The following HAPLN1 variants were observed in gnomAD, a reference collection of about 807,000 sequenced individuals.
HAPLN1 encodes Cartilage link protein.
HAPLN1 carries 13 observed loss-of-function variants against 36.5 expected under a neutral mutation model. The ratio of observed to expected loss-of-function variants is 0.36; its 90% CI spans 0.23 to 0.57. The LOEUF (loss-of-function observed/expected upper bound fraction) is 0.57, where lower values mean the gene tolerates loss of function less well. Among genes scored for constraint, HAPLN1 ranks in the 20% least tolerant of loss-of-function variants. The pLI is 0.83. For synonymous variants in HAPLN1, 202 were observed against 169.8 expected (o/e 1.19, Z -1.48); for missense variants, 407 against 439.7 (o/e 0.93, Z 0.66).
rs1010954442 is a variant in HAPLN1, at chr5:83,652,279, A to G, written c.472+174T>C. 8.2e-6 allele frequency: 5 copies of G among 610,980 alleles called. No homozygotes were observed. The African/African-American group carries it at 9.3e-5, about 11-fold the overall frequency. The allele number at this position is 610,980 out of a possible 1,614,324, so 37.8% of individuals were successfully genotyped here. On this transcript the variant is annotated intron_variant, in intron 3 of 4. Transcript: ENST00000274341. ...ACATAAGCATTGTGTATGCATTTCA[A>G]ACATGAAAGCTGGAATCATAGGCAG... is the stretch of plus-strand genomic sequence containing the variant.
intron 1 of HAPLN1, chr5:83,682,646 G>A (rs1205121817): frequency 6.6e-6 from 1 of 152,012 alleles, no homozygotes; most frequent in East Asian, 1.9e-4. Flanking sequence ...TCAGAATTCA[G>A]TTCATTGGTA....
chr5:83,663,291 T>C (rs1237601229), intron 2 of HAPLN1, among the ~76,000 whole-genome samples: 1 of 152,194 alleles, frequency 6.6e-6, no homozygotes, highest in Non-Finnish European at 1.5e-5. Flanking sequence ...GTCCAAATGC[T>C]TGCAACTAAT....
At chr5:83,720,121 A>G (rs1222421142) in intron 1 of HAPLN1, among the ~76,000 whole-genome samples, 1 of 152,246 alleles carries the variant, frequency 6.6e-6, no homozygotes, top group Non-Finnish European at 1.5e-5. Context: ...CAACATACAA[A>G]TAATTTCTTT....
In HAPLN1 at chr5:83,683,073, C is replaced by T. The variant is rs549486447; in HGVS notation, c.-26-9524G>A. The stretch of plus-strand genomic sequence containing the variant: ...GATTTTAAAACTTTTATATAAGTAT[C>T]AAAGCTTTCCATTGACTCAGAATGA... On this transcript the variant is annotated intron_variant, in intron 1 of 4. Coordinates refer to ENST00000274341, the MANE Select transcript of HAPLN1 (RefSeq NM_001884.4). Among the ~76,000 whole-genome samples the T allele has an allele frequency of 5.3e-4, 81 of 152,214 alleles. No homozygotes were observed. In the Middle Eastern group the frequency reaches 0.014, roughly 26 times the overall value.
intron 3 of HAPLN1, among the ~76,000 whole-genome samples, chr5:83,651,699 A>T (rs1474929305): frequency 6.6e-6 from 1 of 152,218 alleles, no homozygotes; most frequent in African/African-American, 2.4e-5. Context: ...TCCACCCTTC[A>T]GTATAAAATA....
chr5:83,706,341 T>A (rs886489162), intron 1 of HAPLN1, among the ~76,000 whole-genome samples: 7 of 152,130 alleles, frequency 4.6e-5, no homozygotes, highest in Non-Finnish European at 8.8e-5. Flanking sequence ...AACAAAATAC[T>A]TGAAAACTGA....
At chr5:83,704,876 G>A (rs977891059) in intron 1 of HAPLN1, among the ~76,000 whole-genome samples, 2 of 152,128 alleles carry the variant, frequency 1.3e-5, no homozygotes, top group Non-Finnish European at 2.9e-5. Context: ...AGATATTTAG[G>A]ACCTGAACTC....
chr5:83,653,269 A>G (rs536922410), intron 2 of HAPLN1, among the ~76,000 whole-genome samples: 43 of 152,332 alleles, frequency 2.8e-4, no homozygotes, highest in African/African-American at 4.6e-4. Context: ...TTCTAATACA[A>G]GAAGTTTATA....
chr5:83,697,979 T>C (rs1224755493), intron 1 of HAPLN1, among the ~76,000 whole-genome samples: 2 of 152,164 alleles, frequency 1.3e-5, no homozygotes, highest in African/African-American at 4.8e-5. Context: ...TCTTTTGGGA[T>C]GTCTTTTTAT....
chr5:83,697,625 G>A (rs1306778697), intron 1 of HAPLN1, among the ~76,000 whole-genome samples: 9 of 152,080 alleles, frequency 5.9e-5, no homozygotes, highest in African/African-American at 9.7e-5. Context: ...TCCAAAGCAC[G>A]GCACTGTTTT....
intron 1 of HAPLN1, among the ~76,000 whole-genome samples, chr5:83,681,684 G>C (rs1205883329): frequency 1.3e-5 from 2 of 151,908 alleles, no homozygotes; most frequent in Non-Finnish European, 2.9e-5. Flanking sequence ...ATAATTTTTT[G>C]ACTTTTTGTA....
At chr5:83,692,405 A>T (rs1751299856) in intron 1 of HAPLN1, among the ~76,000 whole-genome samples, 1 of 151,960 alleles carries the variant, frequency 6.6e-6, no homozygotes, top group Non-Finnish European at 1.5e-5. Context: ...CCCATTATTC[A>T]CAGAGGAATA....
In HAPLN1 at chr5:83,640,523, A is replaced by G. The variant is rs1318862914; in HGVS notation, c.*973T>C. 1 of 152,198 alleles carries G rather than the reference A, an allele frequency of 6.6e-6. No individual in the cohort carries two copies. The highest frequency in any genetic ancestry group is 1.5e-5 in the Non-Finnish European group (1 of 68,016). The allele number at this position is 152,198 out of a possible 1,614,324, so 9.4% of individuals were successfully genotyped here. A position where few individuals can be genotyped will look rare whatever the true frequency, so the allele number is the denominator to read the frequency against. The stretch of plus-strand genomic sequence containing the variant: ...TTCTGCATTAGGGATTCCTTTTATA[A>G]TGTAATTGATTTTCATATAATGTAA... On this transcript the variant is annotated 3_prime_UTR_variant, in exon 5 of 5. Transcript: ENST00000274341.
intron 3 of HAPLN1, among the ~76,000 whole-genome samples, chr5:83,645,312 AG>A (rs1399785894): frequency 2.0e-5 from 3 of 152,110 alleles, no homozygotes; most frequent in Non-Finnish European, 4.4e-5. Flanking sequence ...ACCTTCACTT[AG>A]GGGGGACTCT....
At chr5:83,706,369 G>C (rs1284008835) in intron 1 of HAPLN1, among the ~76,000 whole-genome samples, 2 of 152,052 alleles carry the variant, frequency 1.3e-5, no homozygotes, top group Non-Finnish European at 2.9e-5. Flanking sequence ...AGCACATGAA[G>C]AGCTAATCCA....
chr5:83,641,789 T>A lies in HAPLN1; in HGVS notation c.776-4A>T, dbSNP rs767802818. ...TGGATCAGATAGTAAAAACGGCCTG[T>A]AGAGAAAAGGAGACAGAGTCAATGG... is the stretch of plus-strand genomic sequence containing the variant. On this transcript the variant is annotated splice_polypyrimidine_tract_variant and splice_region_variant and intron_variant, in intron 4 of 4. Coordinates refer to ENST00000274341, the MANE Select transcript of HAPLN1 (RefSeq NM_001884.4). The A allele has an allele frequency of 6.2e-7, 1 of 1,611,832 alleles. No homozygotes were observed. The highest frequency in any genetic ancestry group is 8.5e-7 in the Non-Finnish European group (1 of 1,178,512).
intron 1 of HAPLN1, among the ~76,000 whole-genome samples, chr5:83,692,897 T>C (rs1363894476): frequency 6.6e-6 from 1 of 151,902 alleles, no homozygotes; most frequent in African/African-American, 2.4e-5. Context: ...GGTTCTTATA[T>C]TAATACTTTA....
chr5:83,696,102 C>A (rs1317294772), intron 1 of HAPLN1, among the ~76,000 whole-genome samples: 1 of 151,964 alleles, frequency 6.6e-6, no homozygotes. Flanking sequence ...CATGTGCAAA[C>A]ATCATTATAT....
intron 1 of HAPLN1, among the ~76,000 whole-genome samples, chr5:83,685,266 A>G (rs1751092597): frequency 1.3e-5 from 2 of 152,198 alleles, no homozygotes; most frequent in Admixed American, 6.5e-5. Flanking sequence ...GTTTACTACT[A>G]TGTCCTCTGA....
Sources: gnomAD v4.1 joint callset for allele counts (sites outside exome capture counted in the v4.1 genomes callset) on GRCh38, gnomAD v4.1.1 for gene constraint, MANE v1.5 for transcripts, NCBI Gene and HGNC (gene_info 2026-07-23, HGNC 2026-07-21) for gene names.